UBIAD1: variants seen among roughly 807,000 people sequenced by gnomAD.
The protein encoded by UBIAD1 is ubiA prenyltransferase domain-containing protein 1.
In UBIAD1, 12 loss-of-function variants were observed where a neutral mutation model predicts 20.1. The observed-to-expected ratio is 0.60, with a 90% CI of 0.38 to 0.97. UBIAD1 has a LOEUF of 0.97. Ranked by LOEUF, UBIAD1 falls within the 50% of genes least tolerant of loss-of-function variation. The pLI, the probability that UBIAD1 is intolerant of heterozygous loss-of-function variation, is 0.00. For synonymous variants in UBIAD1, 207 were observed against 189.2 expected, an observed-to-expected ratio of 1.09 and a Z score of -0.77; for missense variants, 333 against 419.5, an observed-to-expected ratio of 0.79 and a Z score of 1.80.
rs11557788 is a variant in UBIAD1, at chr1:11,278,774, T to G, written c.529+4714T>G. 4 of 529,892 alleles carry G rather than the reference T, an allele frequency of 7.5e-6. No homozygotes were observed. In the Admixed American group the frequency reaches 1.4e-4, roughly 19 times the overall value. 32.8% of individuals were successfully genotyped at this position (529,892 alleles called of 1,614,324 possible). A position where few individuals can be genotyped will look rare whatever the true frequency, so the allele number is the denominator to read the frequency against. ...GTCATCCACCATCCCACTGGAGTTA[T>G]TTATTCCATTCATATTAATTCTTGT... On this transcript the variant is annotated intron_variant, in intron 1 of 1. Coordinates refer to ENST00000376810, the MANE Select transcript of UBIAD1 (RefSeq NM_013319.3).
intron 1 of UBIAD1, among the ~76,000 whole-genome samples, chr1:11,276,316 A>G (rs1158520988): frequency 6.6e-6 from 1 of 152,010 alleles, no homozygotes; most frequent in Non-Finnish European, 1.5e-5. Flanking sequence ...AATTAAGCAT[A>G]ACTCAAAGGT....
downstream of UBIAD1, among the ~76,000 whole-genome samples, chr1:11,289,587 CTA>C (rs1638331801): frequency 6.6e-6 from 1 of 151,916 alleles, no homozygotes; most frequent in Non-Finnish European, 1.5e-5. Context: ...TTTTTTGAGA[CTA>C]TGTCTCAGTG....
intron 1 of UBIAD1, among the ~76,000 whole-genome samples, chr1:11,275,402 C>A (rs1651982583): frequency 6.6e-6 from 1 of 152,042 alleles, no homozygotes; most frequent in Admixed American, 6.6e-5. Context: ...GAATGGGACA[C>A]AGATTACTAT....
chr1:11,276,837 A>C (rs1400063582), intron 1 of UBIAD1, among the ~76,000 whole-genome samples: 6 of 152,082 alleles, frequency 3.9e-5, no homozygotes, highest in Non-Finnish European at 7.4e-5. Context: ...TTTAACAGAA[A>C]TTCATCAACT....
chr1:11,282,585 C>T (rs571771154), intron 1 of UBIAD1, among the ~76,000 whole-genome samples: 1 of 128,152 alleles, frequency 7.8e-6, no homozygotes, highest in East Asian at 2.5e-4. Flanking sequence ...TTTCAAAAGA[C>T]AGAGTTTAGC....
chr1:11,276,911 A>T (rs2788547), intron 1 of UBIAD1, among the ~76,000 whole-genome samples: 1,723 of 152,192 alleles, frequency 0.011, 45 homozygotes, highest in African/African-American at 0.039. Context: ...TTTTCATACT[A>T]CTAGTAGTCA....
intron 1 of UBIAD1, among the ~76,000 whole-genome samples, chr1:11,274,330 GCT>G (rs1207880533): frequency 6.6e-6 from 1 of 152,118 alleles, no homozygotes; most frequent in Non-Finnish European, 1.5e-5. Flanking sequence ...ACGGAGTCTC[GCT>G]CTGTCGCCCA....
At chr1:11,283,026 A>G (rs918562662) in intron 1 of UBIAD1, among the ~76,000 whole-genome samples, 12 of 142,824 alleles carry the variant, frequency 8.4e-5, no homozygotes, top group Admixed American at 3.5e-4. Flanking sequence ...ACACCCGGCT[A>G]ATTTTTTGTA....
chr1:11,274,888 G>A (rs964179125), intron 1 of UBIAD1, among the ~76,000 whole-genome samples: 1 of 152,148 alleles, frequency 6.6e-6, no homozygotes, highest in Admixed American at 6.5e-5. Flanking sequence ...GATTACAGGC[G>A]TGAGCCACCA....
intron 1 of UBIAD1, among the ~76,000 whole-genome samples, chr1:11,274,335 G>A (rs1253465707): frequency 6.6e-6 from 1 of 152,184 alleles, no homozygotes; most frequent in African/African-American, 2.4e-5. Context: ...GTCTCGCTCT[G>A]TCGCCCAGGC....
chr1:11,294,942 C>A, exon 2 of UBIAD1: 1 of 717,526 alleles, frequency 1.4e-6, no homozygotes, highest in Admixed American at 2.0e-5. Context: ...CAGAAACTGC[C>A]TAGTGACCTG....
intron 1 of UBIAD1, among the ~76,000 whole-genome samples, chr1:11,277,462 G>A (rs1385540933): frequency 2.0e-5 from 3 of 151,820 alleles, no homozygotes; most frequent in African/African-American, 4.8e-5. Context: ...AGTAGAGACG[G>A]GGTTTCGCCA....
At chr1:11,284,912 G>C (rs1342642216) in intron 1 of UBIAD1, among the ~76,000 whole-genome samples, 1 of 152,174 alleles carries the variant, frequency 6.6e-6, no homozygotes, top group Non-Finnish European at 1.5e-5. Flanking sequence ...CCATGAGGTA[G>C]ATTTGGTAAG....
chr1:11,294,910 G>A (rs564031197), exon 2 of UBIAD1: 28 of 717,338 alleles, frequency 3.9e-5, no homozygotes, highest in Non-Finnish European at 6.2e-5. Flanking sequence ...CCCACATCAG[G>A]AGCAGCCAGT....
At chr1:11,298,880 T>G (rs1384020810), downstream of UBIAD1, among the ~76,000 whole-genome samples, 1 of 151,950 alleles carries the variant, frequency 6.6e-6, no homozygotes, top group African/African-American at 2.4e-5. The surrounding 1 kb of genome is among the most constrained non-coding windows in gnomAD (Gnocchi z 4.0). Context: ...GAGGAGGAGG[T>G]GGAGCCATTC....
At chr1:11,280,364 G>C (rs942709072) in intron 1 of UBIAD1, among the ~76,000 whole-genome samples, 3 of 152,120 alleles carry the variant, frequency 2.0e-5, no homozygotes. Context: ...CAACCTCCAG[G>C]GCTCAGTCCT....
At position 11,287,382 on chromosome 1, in the gene UBIAD1, G is replaced by A. The variant is rs1248764764; in HGVS notation, c.*1251G>A. ...CAATTCCAGCATTTATCCTGGCTGC[G>A]TTTCATTGCATTGTCTGTGAAGTAT... On this transcript the variant is annotated 3_prime_UTR_variant, in exon 2 of 2. Coordinates refer to ENST00000376810, the MANE Select transcript of UBIAD1 (RefSeq NM_013319.3). The A allele has an allele frequency of 6.6e-6, 1 of 152,154 alleles. No individual in the cohort carries two copies. The highest frequency in any genetic ancestry group is 1.5e-5 in the Non-Finnish European group (1 of 68,032). 9.4% of individuals were successfully genotyped at this position (152,154 alleles called of 1,614,324 possible). A position where few individuals can be genotyped will look rare whatever the true frequency, so the allele number is the denominator to read the frequency against.
downstream of UBIAD1, among the ~76,000 whole-genome samples, chr1:11,297,865 G>T (rs1342701236): frequency 6.6e-6 from 1 of 152,212 alleles, no homozygotes; most frequent in Non-Finnish European, 1.5e-5. Flanking sequence ...TTGGGCTGCA[G>T]TCCAGGTTCA....
At position 11,286,252 on chromosome 1, in the gene UBIAD1, C is replaced by G; in HGVS notation, c.*121C>G. On this transcript the variant is annotated 3_prime_UTR_variant, in exon 2 of 2. Coordinates refer to ENST00000376810, the MANE Select transcript of UBIAD1 (RefSeq NM_013319.3). Reference sequence around the variant, plus strand: ...ACTAAGCATGGGTGGGAACTCCTGCCTTATAAAAATTGTTTTTGTGTTCTT... The same window carrying G: ...ACTAAGCATGGGTGGGAACTCCTGCGTTATAAAAATTGTTTTTGTGTTCTT... 1 of 1,305,518 alleles carries G rather than the reference C, an allele frequency of 7.7e-7. No individual in the cohort carries two copies. The highest frequency in any genetic ancestry group is 2.1e-5 in the Admixed American group (1 of 47,430). The allele number at this position is 1,305,518 out of a possible 1,614,324, so 80.9% of individuals were successfully genotyped here. A position where few individuals can be genotyped will look rare whatever the true frequency, so the allele number is the denominator to read the frequency against.
Sources: allele counts gnomAD v4.1 joint callset (sites outside exome capture counted in the v4.1 genomes callset), GRCh38; gene constraint gnomAD v4.1.1; non-coding constraint Gnocchi (gnomAD v3.1); transcripts MANE v1.5; gene names NCBI Gene and HGNC (gene_info 2026-07-23, HGNC 2026-07-21).